The following SLC24A3 variants were observed in gnomAD, a reference collection of about 807,000 sequenced individuals.
SLC24A3 encodes the protein sodium/potassium/calcium exchanger 3.
In SLC24A3, 28 loss-of-function variants were observed where a neutral mutation model predicts 75.8. The ratio of observed to expected loss-of-function variants is 0.37; its 90% CI spans 0.27 to 0.51. SLC24A3 has a LOEUF of 0.51. Among genes scored for constraint, SLC24A3 ranks in the 20% least tolerant of loss-of-function variants. The pLI is 0.94. For missense variants in SLC24A3, 663 were observed against 847.8 expected, an observed-to-expected ratio of 0.78 and a Z score of 2.71; for synonymous variants, 372 against 334.1, an observed-to-expected ratio of 1.11 and a Z score of -1.24.
chr20:19,687,194 C>T (rs2032686219), intron 12 of SLC24A3, among the ~76,000 whole-genome samples: 1 of 152,174 alleles, frequency 6.6e-6, no homozygotes, highest in Non-Finnish European at 1.5e-5. Context: ...TTACCAGGCA[C>T]CGGTTCATTG....
At chr20:19,385,265 A>G (rs1404743031) in intron 2 of SLC24A3, among the ~76,000 whole-genome samples, 1 of 152,200 alleles carries the variant, frequency 6.6e-6, no homozygotes, top group Non-Finnish European at 1.5e-5. Flanking sequence ...TTCTTCTAGT[A>G]GTTTTAAAAC....
intron 2 of SLC24A3, among the ~76,000 whole-genome samples, chr20:19,394,527 A>G (rs1055749377): frequency 2.0e-5 from 3 of 152,184 alleles, no homozygotes; most frequent in African/African-American, 7.2e-5. Flanking sequence ...GAAAACCCAA[A>G]TAACCCAAAA....
chr20:19,622,766 T>A (rs544620379), intron 6 of SLC24A3, among the ~76,000 whole-genome samples: 91 of 152,264 alleles, frequency 6.0e-4, no homozygotes, highest in African/African-American at 2.1e-3. Context: ...ACAAAGAAAG[T>A]AAGTTTATTT....
At chr20:19,518,912 G>C (rs774811350) in intron 3 of SLC24A3, among the ~76,000 whole-genome samples, 12 of 152,196 alleles carry the variant, frequency 7.9e-5, no homozygotes, top group Non-Finnish European at 1.6e-4. Context: ...GGAATGTGGA[G>C]GACAGAACGA....
intron 2 of SLC24A3, among the ~76,000 whole-genome samples, chr20:19,331,145 G>C (rs73286628): frequency 6.6e-6 from 1 of 152,080 alleles, no homozygotes; most frequent in Non-Finnish European, 1.5e-5. Context: ...GCATATTATC[G>C]GGTCAATTGA....
chr20:19,634,032 A>C (rs1311700634), intron 6 of SLC24A3, among the ~76,000 whole-genome samples: 1 of 152,184 alleles, frequency 6.6e-6, no homozygotes, highest in Admixed American at 6.5e-5. Context: ...ATAAGAAAAA[A>C]AATTCTTGTG....
rs370863969 is a variant in SLC24A3, at chr20:19,530,302, A to G, written c.348+14738A>G. Among the ~76,000 whole-genome samples, 10 of 152,314 alleles carry G rather than the reference A, an allele frequency of 6.6e-5. 2 individuals are homozygous for G. On this transcript the variant is annotated intron_variant, in intron 3 of 16. Coordinates refer to ENST00000328041, the MANE Select transcript of SLC24A3 (RefSeq NM_020689.4). ...GATAAACCGTACTCACTGGGCAGCA[A>G]CAGAATCACCGTGCTACTCTGAGTG... is the stretch of plus-strand genomic sequence containing the variant.
intron 8 of SLC24A3, among the ~76,000 whole-genome samples, chr20:19,669,387 G>A (rs564245842): frequency 3.2e-4 from 48 of 152,012 alleles, no homozygotes; most frequent in African/African-American, 1.0e-3. Flanking sequence ...CTGTAGTCCC[G>A]GCTGCTCGGG....
chr20:19,353,407 C>G (rs1334332999), intron 2 of SLC24A3, among the ~76,000 whole-genome samples: 1 of 152,114 alleles, frequency 6.6e-6, no homozygotes, highest in African/African-American at 2.4e-5. Context: ...AGTCTTGGGC[C>G]ATTCAGTTAG....
At chr20:19,655,014 G>A (rs907450000) in intron 7 of SLC24A3, among the ~76,000 whole-genome samples, 1 of 152,026 alleles carries the variant, frequency 6.6e-6, no homozygotes, top group Non-Finnish European at 1.5e-5. Context: ...CGTTCCTATC[G>A]TAGCCACAGA....
chr20:19,396,381 A>G lies in SLC24A3; in HGVS notation c.271+115294A>G, dbSNP rs183458543. 5.4e-3 allele frequency among the ~76,000 whole-genome samples: 824 copies of G among 152,372 alleles called. 5 individuals are homozygous for G. The highest frequency in any genetic ancestry group is 0.019 in the African/African-American group (793 of 41,588). On this transcript the variant is annotated intron_variant, in intron 2 of 16. Transcript: ENST00000328041. ...TTGAATAATTTATTTTACCCATTTT[A>G]GTATTGAGATAGTATCATCAACATG...
Position 19,453,245 on chromosome 20 carries a change from G to A in SLC24A3, c.272-62243G>A, listed in dbSNP as rs149843020. Among the ~76,000 whole-genome samples the A allele has an allele frequency of 3.3e-3, 495 of 152,216 alleles. 1 individual carries two copies. Among genetic ancestry groups the A allele is most frequent in the South Asian group, 0.011 (52 of 4,820 alleles). ...ACAGGCCTGTACTCCAGCTACTCAG[G>A]TGACTGAGGCAGGAGGATTGTTTGA... On this transcript the variant is annotated intron_variant, in intron 2 of 16. Coordinates refer to ENST00000328041, the MANE Select transcript of SLC24A3 (RefSeq NM_020689.4).
At chr20:19,663,092 A>C (rs1238851842) in intron 7 of SLC24A3, among the ~76,000 whole-genome samples, 1 of 152,064 alleles carries the variant, frequency 6.6e-6, no homozygotes, top group African/African-American at 2.4e-5. Context: ...TTTTAGAGAC[A>C]GGGTCTTGCT....
chr20:19,588,989 A>G (rs368649282), intron 6 of SLC24A3, among the ~76,000 whole-genome samples: 1 of 152,252 alleles, frequency 6.6e-6, no homozygotes, highest in Non-Finnish European at 1.5e-5. Flanking sequence ...GGCAAGGCCC[A>G]TCTCATCTTG....
intron 1 of SLC24A3, among the ~76,000 whole-genome samples, chr20:19,250,307 A>G (rs1982612356): frequency 6.6e-6 from 1 of 152,204 alleles, no homozygotes; most frequent in Non-Finnish European, 1.5e-5. Flanking sequence ...GCTGGGATAC[A>G]CATACTGTCA....
chr20:19,568,648 C>T (rs562175309), intron 3 of SLC24A3, among the ~76,000 whole-genome samples: 3 of 152,224 alleles, frequency 2.0e-5, no homozygotes, highest in South Asian at 2.1e-4. Context: ...GAGTTTCAAT[C>T]TGGGAAAATG....
At chr20:19,676,336 G>A (rs1284452757) in intron 9 of SLC24A3, among the ~76,000 whole-genome samples, 1 of 152,188 alleles carries the variant, frequency 6.6e-6, no homozygotes, top group East Asian at 1.9e-4. Context: ...TTCTGCTGAT[G>A]CCTCACTTTT....
chr20:19,460,701 C>T (rs1007359081), intron 2 of SLC24A3, among the ~76,000 whole-genome samples: 1 of 152,170 alleles, frequency 6.6e-6, no homozygotes, highest in African/African-American at 2.4e-5. Context: ...GGTGGATAAT[C>T]ATGTTCTCTT....
rs78338337 is a variant in SLC24A3, at chr20:19,527,190, G to T, written c.348+11626G>T. On this transcript the variant is annotated intron_variant, in intron 3 of 16. Coordinates refer to ENST00000328041, the MANE Select transcript of SLC24A3 (RefSeq NM_020689.4). ...AAGAGTGGGACTTTACACTAGCACA[G>T]ATCTCCCTCTACTCTAAATTCCCAC... Among the ~76,000 whole-genome samples, 1,363 of 152,236 alleles carry T rather than the reference G, an allele frequency of 9.0e-3. 21 individuals are homozygous for T. Among genetic ancestry groups the T allele is most frequent in the South Asian group, 0.042 (200 of 4,810 alleles).
Sources: allele counts gnomAD v4.1 joint callset (sites outside exome capture counted in the v4.1 genomes callset), GRCh38; gene constraint gnomAD v4.1.1; transcripts MANE v1.5; gene names NCBI Gene and HGNC (gene_info 2026-07-23, HGNC 2026-07-21).